Variants in CA12 observed in about 807,000 individuals in gnomAD.
The protein encoded by CA12 is carbonic anhydrase 12.
In CA12, 36 loss-of-function variants were observed where a neutral mutation model predicts 46.8. That is an observed-to-expected ratio of 0.77 (90% CI 0.59 to 1.02). The LOEUF (loss-of-function observed/expected upper bound fraction) is 1.02, where lower values mean the gene tolerates loss of function less well. Among genes scored for constraint, CA12 ranks in the 50% least tolerant of loss-of-function variants. The probability of loss-of-function intolerance (pLI) is 0.00; values close to 1 mark genes in which losing one functional copy is unlikely to be tolerated. For missense variants in CA12, 436 were observed against 451.4 expected, an observed-to-expected ratio of 0.97 and a Z score of 0.31; for synonymous variants, 202 against 187.0, an observed-to-expected ratio of 1.08 and a Z score of -0.65.
intron 2 of CA12, among the ~76,000 whole-genome samples, chr15:63,365,642 G>T (rs1293060886): frequency 1.3e-5 from 2 of 152,232 alleles, no homozygotes; most frequent in Non-Finnish European, 2.9e-5. Context: ...CAATTGCAAT[G>T]TTGGGTATCT....
Position 63,338,816 on chromosome 15 carries a change from C to T in CA12, c.874+3G>A, listed in dbSNP as rs768221871. On this transcript the variant is annotated splice_donor_region_variant and intron_variant, in intron 8 of 10. Transcript: ENST00000178638. ...CCCTCCCCCCAGCACTGCCTCTCCTCACCTTGGGAGAAGGAGGTGTATACC... is the reference window on the plus strand; with the variant it reads ...CCCTCCCCCCAGCACTGCCTCTCCTTACCTTGGGAGAAGGAGGTGTATACC... 4.7e-5 allele frequency: 76 copies of T among 1,613,976 alleles called. No homozygotes were observed. Among genetic ancestry groups the T allele is most frequent in the Non-Finnish European group, 4.6e-5 (54 of 1,180,032 alleles).
At position 63,369,563 on chromosome 15, in the gene CA12, G is replaced by A. The variant is rs971954718; in HGVS notation, c.106+6095C>T. The stretch of plus-strand genomic sequence containing the variant: ...TGGGCCCCGCCCCCCAGAGTTTCTG[G>A]TTAGGAGGTAGGCCTGGGATGGGCT... On this transcript the variant is annotated intron_variant, in intron 2 of 10. Transcript: ENST00000178638. 6.1e-4 allele frequency among the ~76,000 whole-genome samples: 93 copies of A among 152,222 alleles called. 2 individuals carry two copies. The highest frequency in any genetic ancestry group is 1.3e-4 in the Non-Finnish European group (9 of 68,034).
chr15:63,370,668 G>T (rs1448795671), intron 2 of CA12, among the ~76,000 whole-genome samples: 1 of 151,660 alleles, frequency 6.6e-6, no homozygotes, highest in Non-Finnish European at 1.5e-5. Context: ...AGCTACTTGG[G>T]AGTCTGAGGC....
At chr15:63,344,964 G>T (rs1280289518) in intron 4 of CA12, among the ~76,000 whole-genome samples, 1 of 152,140 alleles carries the variant, frequency 6.6e-6, no homozygotes, top group East Asian at 1.9e-4. Flanking sequence ...TAGACTGCCA[G>T]GTACCCCTAG....
At chr15:63,364,351 A>AAAAAAAAAAAT (rs2039411989) in intron 2 of CA12, among the ~76,000 whole-genome samples, 2 of 150,488 alleles carry the variant, frequency 1.3e-5, no homozygotes, top group African/African-American at 2.4e-5. Flanking sequence ...AAAAAAAAAA[A>AAAAAAAAAAAT]AAAACAGTGG....
At chr15:63,370,442 CA>C (rs58832010) in intron 2 of CA12, among the ~76,000 whole-genome samples, 1,484 of 79,076 alleles carry the variant, frequency 0.019, 19 homozygotes, top group African/African-American at 0.045. Context: ...AGCCCTGTCT[CA>C]AAAAAAAAAA....
intron 3 of CA12, 91 bp downstream of exon 3, chr15:63,346,439 G>T: frequency 1.8e-6 from 1 of 554,120 alleles, no homozygotes; most frequent in South Asian, 1.5e-5. Flanking sequence ...ATGCTTCCAC[G>T]GAACACCTCC....
chr15:63,346,054 T>C (rs1207483195), intron 3 of CA12, among the ~76,000 whole-genome samples: 1 of 152,174 alleles, frequency 6.6e-6, no homozygotes, highest in Non-Finnish European at 1.5e-5. Context: ...TAATCTCCAG[T>C]CTTCACGGTA....
intron 1 of CA12, among the ~76,000 whole-genome samples, chr15:63,380,851 A>G (rs2039635036): frequency 6.6e-6 from 1 of 152,240 alleles, no homozygotes; most frequent in Non-Finnish European, 1.5e-5. Flanking sequence ...AAGATTAATG[A>G]ACCAGCCTTG....
chr15:63,345,500 T>C lies in CA12; in HGVS notation c.406A>G (p.Ser136Gly), dbSNP rs1327320281. The C allele has an allele frequency of 2.5e-6, 4 of 1,610,542 alleles. No homozygotes were observed. The African/African-American group carries it at 5.3e-5, about 21-fold the overall frequency. The change falls in exon 4 of 11, where the codon AGC (serine) becomes GGC (glycine). Residue 136 changes from serine to glycine, a missense_variant. Ser to Gly is a moderately conservative substitution (Grantham distance 56). Coordinates refer to ENST00000178638, the MANE Select transcript of CA12 (RefSeq NM_001218.5). This position sits in a 1 kb window ranked among gnomAD's most constrained non-coding sequence, Gnocchi z 4.3. ...NDPHGSEHTVSGQHFAAELHI... is the reference protein window; with the variant it reads ...NDPHGSEHTVGGQHFAAELHI... ...ACCTCGGCGGCGAAGTGCTGTCCGCTGACGGTGTGCTCAGAGCCGTGCGGG... is the reference window on the plus strand; with the variant it reads ...ACCTCGGCGGCGAAGTGCTGTCCGCCGACGGTGTGCTCAGAGCCGTGCGGG...
At chr15:63,354,888 A>G (rs934760536) in intron 2 of CA12, among the ~76,000 whole-genome samples, 1 of 152,048 alleles carries the variant, frequency 6.6e-6, no homozygotes, top group Non-Finnish European at 1.5e-5. Flanking sequence ...ATCCCCGTCT[A>G]ATATTGCTGG....
chr15:63,346,120 A>G (rs898028269), intron 3 of CA12, among the ~76,000 whole-genome samples: 2 of 152,198 alleles, frequency 1.3e-5, no homozygotes, highest in Non-Finnish European at 2.9e-5. Flanking sequence ...ATTCTCACCT[A>G]GATTCTCATG....
intron 2 of CA12, among the ~76,000 whole-genome samples, chr15:63,365,956 T>C (rs2039429926): frequency 6.6e-6 from 1 of 151,964 alleles, no homozygotes; most frequent in Non-Finnish European, 1.5e-5. Flanking sequence ...CTGGCCAACA[T>C]GGTGACACCC....
At chr15:63,346,033 C>T (rs1359833707) in intron 3 of CA12, among the ~76,000 whole-genome samples, 1 of 152,152 alleles carries the variant, frequency 6.6e-6, no homozygotes, top group Non-Finnish European at 1.5e-5. Context: ...TATGCCAGAC[C>T]CCAACGTACA....
rs71394512 is a variant in CA12 at position 63,342,229 on chromosome 15, C to T, written c.430-132G>A. On this transcript the variant is annotated intron_variant, in intron 4 of 10. Coordinates refer to ENST00000178638, the MANE Select transcript of CA12 (RefSeq NM_001218.5). ...CAGCCCCCCAGACTAGGTTAGGTCT[C>T]TCAGACCCTCCCCTTATTTTGCCAA... The T allele has an allele frequency of 0.056, 38,599 of 694,120 alleles. 1,306 individuals carry two copies. Among genetic ancestry groups the T allele is most frequent in the Middle Eastern group, 0.087 (231 of 2,652 alleles). The allele number at this position is 694,120 out of a possible 1,614,324, so 43.0% of individuals were successfully genotyped here. A position where few individuals can be genotyped will look rare whatever the true frequency, so the allele number is the denominator to read the frequency against.
rs1474865840 is a variant in CA12 at position 63,327,548 on chromosome 15, GT to G, written c.908-316del. On this transcript the variant is annotated intron_variant, in intron 9 of 10. Coordinates refer to ENST00000178638, the MANE Select transcript of CA12 (RefSeq NM_001218.5). The surrounding 1 kb of genome is among the most constrained non-coding windows in gnomAD (Gnocchi z 4.5). ...ACCCCCAGAGATTCAAAGTCAATCT[GT>G]TTGGTGCAGGGCCCGGGAATCTGCA... Among the ~76,000 whole-genome samples the G allele has an allele frequency of 2.0e-5, 3 of 148,372 alleles. No individual in the cohort carries two copies. Among genetic ancestry groups the G allele is most frequent in the Non-Finnish European group, 3.0e-5 (2 of 67,358 alleles).
intron 1 of CA12, among the ~76,000 whole-genome samples, chr15:63,376,670 AC>A (rs1328684985): frequency 6.9e-6 from 1 of 144,544 alleles, no homozygotes; most frequent in African/African-American, 2.6e-5. Flanking sequence ...TTTTTGTGAG[AC>A]AGGGTCTCAC....
At position 63,355,767 on chromosome 15, in the gene CA12, A is replaced by T. The variant is rs1479918789; in HGVS notation, c.107-9058T>A. Among the ~76,000 whole-genome samples, 1 of 152,208 alleles carries T rather than the reference A, an allele frequency of 6.6e-6. No homozygotes were observed. The highest frequency in any genetic ancestry group is 1.5e-5 in the Non-Finnish European group (1 of 68,040). The stretch of plus-strand genomic sequence containing the variant: ...TGAGCCCCCCATCAGTGCTCACCAC[A>T]TGTTATCCTCCTTCATCTTCCTTGG... On this transcript the variant is annotated intron_variant, in intron 2 of 10. Coordinates refer to ENST00000178638, the MANE Select transcript of CA12 (RefSeq NM_001218.5). The surrounding 1 kb of genome is among the most constrained non-coding windows in gnomAD (Gnocchi z 4.1).
At position 63,328,201 on chromosome 15, in the gene CA12, G is replaced by C. The variant is rs1001802882; in HGVS notation, c.875-71C>G. 1.3e-5 allele frequency: 18 copies of C among 1,364,738 alleles called. No individual in the cohort carries two copies. The African/African-American group carries it at 1.9e-4, about 14-fold the overall frequency. The allele number at this position is 1,364,738 out of a possible 1,614,324, so 84.5% of individuals were successfully genotyped here. A position where few individuals can be genotyped will look rare whatever the true frequency, so the allele number is the denominator to read the frequency against. ...ACACTGGATTTGAGCAGCGTGTTGA[G>C]AGACGCTCTACCATTTGTTTGGTCT... On this transcript the variant is annotated intron_variant, in intron 8 of 10. Transcript: ENST00000178638. This position sits in a 1 kb window ranked among gnomAD's most constrained non-coding sequence, Gnocchi z 5.9.
Sources: gnomAD v4.1 joint callset for allele counts (sites outside exome capture counted in the v4.1 genomes callset) on GRCh38, gnomAD v4.1.1 for gene constraint, Gnocchi (gnomAD v3.1) non-coding constraint, MANE v1.5 for transcripts, NCBI Gene and HGNC (gene_info 2026-07-23, HGNC 2026-07-21) for gene names.